Variants in RUNX3 observed in about 807,000 individuals in gnomAD.
The protein encoded by RUNX3 is runt-related transcription factor 3.
Under a neutral mutation model 27.7 loss-of-function variants are expected in RUNX3, and 10 were observed. That is an observed-to-expected ratio of 0.36 (90% CI 0.22 to 0.61). RUNX3 has a LOEUF of 0.61. Ranked by LOEUF, RUNX3 falls within the 20% of genes least tolerant of loss-of-function variation. The pLI is 0.72. For synonymous variants in RUNX3, 270 were observed against 269.2 expected (o/e 1.00, Z -0.03); for missense variants, 469 against 629.5 (o/e 0.75, Z 2.73).
chr1:24,925,831 CG>C (rs1045343659), intron 2 of RUNX3, among the ~76,000 whole-genome samples: 1 of 152,144 alleles, frequency 6.6e-6, no homozygotes, highest in Non-Finnish European at 1.5e-5. Flanking sequence ...GTCCCAGCCT[CG>C]GCCATTCCTG....
chr1:24,956,071 G>C (rs867447734), intron 2 of RUNX3, among the ~76,000 whole-genome samples: 2 of 152,232 alleles, frequency 1.3e-5, no homozygotes, highest in African/African-American at 4.8e-5. Flanking sequence ...TGCGCAGCCC[G>C]GGGCAGACCC....
rs1641119896 is a variant in RUNX3 at position 24,927,442 on chromosome 1, A to C, written c.439+132T>G. The stretch of plus-strand genomic sequence containing the variant: ...GATCTGTAATATCCTACAGGATTAC[A>C]AATTGCTGTTTTTAGACAGAGCTGC... On this transcript the variant is annotated intron_variant, in intron 2 of 4. Transcript: ENST00000308873. This position sits in a 1 kb window ranked among gnomAD's most constrained non-coding sequence, Gnocchi z 5.0. 3 of 813,780 alleles carry C rather than the reference A, an allele frequency of 3.7e-6. No individual in the cohort carries two copies. The highest frequency in any genetic ancestry group is 2.1e-5 in the Admixed American group (1 of 46,534). The allele number at this position is 813,780 out of a possible 1,614,324, so 50.4% of individuals were successfully genotyped here.
chr1:24,926,276 C>A (rs1459093973), intron 2 of RUNX3, among the ~76,000 whole-genome samples: 1 of 152,170 alleles, frequency 6.6e-6, no homozygotes, highest in Non-Finnish European at 1.5e-5. Flanking sequence ...TTGGGGATGA[C>A]AAAAGGGACT....
Position 24,943,762 on chromosome 1 carries a change from C to G in RUNX3, c.59-13910G>C, listed in dbSNP as rs1219843768. 3.3e-5 allele frequency among the ~76,000 whole-genome samples: 5 copies of G among 152,208 alleles called. No homozygotes were observed. The highest frequency in any genetic ancestry group is 5.9e-5 in the Non-Finnish European group (4 of 68,028). On this transcript the variant is annotated intron_variant, in intron 2 of 6. Transcript: ENST00000338888. The surrounding 1 kb of genome is among the most constrained non-coding windows in gnomAD (Gnocchi z 4.6). ...CCGCTGGTCCCTGAATGTCAGGCCCCCTGAGGGCAGGGTCCTCAGCCAGGA... is the reference window on the plus strand; with the variant it reads ...CCGCTGGTCCCTGAATGTCAGGCCCGCTGAGGGCAGGGTCCTCAGCCAGGA...
chr1:24,927,236 A>G lies in RUNX3; in HGVS notation c.439+338T>C, dbSNP rs993185478. Among the ~76,000 whole-genome samples the G allele has an allele frequency of 2.0e-5, 3 of 152,074 alleles. No individual in the cohort carries two copies. Among genetic ancestry groups the G allele is most frequent in the African/African-American group, 7.2e-5 (3 of 41,404 alleles). ...CAACCGCCTTGCTGAAAGACCTATA[A>G]GCTCCCTTTTTGAGCTTGTTAATCC... On this transcript the variant is annotated intron_variant, in intron 2 of 4. Transcript: ENST00000308873. The surrounding 1 kb of genome is among the most constrained non-coding windows in gnomAD (Gnocchi z 5.0).
intron 2 of RUNX3, among the ~76,000 whole-genome samples, chr1:24,956,358 A>C (rs1020945398): frequency 2.0e-5 from 3 of 152,260 alleles, no homozygotes; most frequent in Non-Finnish European, 4.4e-5. Flanking sequence ...AAAGAATATA[A>C]AATAAAGGTT....
At chr1:24,963,632 A>G (rs1642177312) in intron 2 of RUNX3, among the ~76,000 whole-genome samples, 1 of 152,156 alleles carries the variant, frequency 6.6e-6, no homozygotes, top group Non-Finnish European at 1.5e-5. Context: ...ACTTGAGCTC[A>G]GGGACTCTTG....
chr1:24,904,790 G>A lies in RUNX3; in HGVS notation c.704-2124C>T, dbSNP rs1417293593. ...CCTCAGGGCCACCACCCCTCCTCCG[G>A]GGTGGTGGGGGAAGTACCTGCCCTC... On this transcript the variant is annotated intron_variant, in intron 4 of 4. Coordinates refer to ENST00000308873, the MANE Select transcript of RUNX3 (RefSeq NM_004350.3). The surrounding 1 kb of genome is among the most constrained non-coding windows in gnomAD (Gnocchi z 5.7). Among the ~76,000 whole-genome samples, 1 of 152,070 alleles carries A rather than the reference G, an allele frequency of 6.6e-6. No individual in the cohort carries two copies. The highest frequency in any genetic ancestry group is 2.4e-5 in the African/African-American group (1 of 41,416).
intron 2 of RUNX3, among the ~76,000 whole-genome samples, chr1:24,920,948 C>T (rs1031712092): frequency 2.0e-5 from 3 of 152,176 alleles, no homozygotes; most frequent in East Asian, 1.9e-4. Flanking sequence ...TGGCCGGGAG[C>T]GGGGGAGATT....
At chr1:24,918,582 TTCATTCAGTCAG>T (rs1333044563) in intron 3 of RUNX3, among the ~76,000 whole-genome samples, 4 of 151,786 alleles carry the variant, frequency 2.6e-5, no homozygotes, top group African/African-American at 9.7e-5. Flanking sequence ...CATTCATTCA[TTCATTCAGTCAG>T]TCAGTCAGTC....
Position 24,930,069 on chromosome 1 carries a change from G to A in RUNX3, c.-201C>T. ...CGCTGCGAGGCCTCGCTGGCCCGACGGCCGCCCGCAGCCTGCCCGGCTAGT... is the reference window on the plus strand; with the variant it reads ...CGCTGCGAGGCCTCGCTGGCCCGACAGCCGCCCGCAGCCTGCCCGGCTAGT... On this transcript the variant is annotated 5_prime_UTR_variant, in exon 1 of 5. Transcript: ENST00000308873. This position sits in a 1 kb window ranked among gnomAD's most constrained non-coding sequence, Gnocchi z 4.1. 1.0e-6 allele frequency: 1 copy of A among 980,208 alleles called. No homozygotes were observed. The highest frequency in any genetic ancestry group is 1.2e-6 in the Non-Finnish European group (1 of 827,888). 60.7% of individuals were successfully genotyped at this position (980,208 alleles called of 1,614,324 possible).
chr1:24,910,610 C>G (rs576891728), intron 3 of RUNX3, among the ~76,000 whole-genome samples: 2 of 152,180 alleles, frequency 1.3e-5, no homozygotes, highest in Non-Finnish European at 2.9e-5. Flanking sequence ...AAGCTCCCTA[C>G]GCATCCCTGT....
chr1:24,957,386 T>A (rs1299939274), intron 2 of RUNX3, among the ~76,000 whole-genome samples: 3 of 139,202 alleles, frequency 2.2e-5, no homozygotes, highest in East Asian at 2.3e-4. Flanking sequence ...CCATCCATTC[T>A]TTCTTTCTTT....
intron 3 of RUNX3, among the ~76,000 whole-genome samples, chr1:24,910,967 C>T (rs1200219608): frequency 6.6e-6 from 1 of 152,160 alleles, no homozygotes; most frequent in African/African-American, 2.4e-5. Context: ...GGAGGAGATG[C>T]CTTGTGGAAA....
In RUNX3 at chr1:24,927,002, G is replaced by T. The variant is rs1641111934; in HGVS notation, c.439+572C>A. On this transcript the variant is annotated intron_variant, in intron 2 of 4. Transcript: ENST00000308873. The surrounding 1 kb of genome is among the most constrained non-coding windows in gnomAD (Gnocchi z 5.0). ...AGGGTGGCACACCCGCCTTGACTCT[G>T]GGGCAGGAGATGGCAGCCTTCGAGC... Among the ~76,000 whole-genome samples the T allele has an allele frequency of 6.6e-6, 1 of 151,286 alleles. No homozygotes were observed. The highest frequency in any genetic ancestry group is 1.5e-5 in the Non-Finnish European group (1 of 67,934).
At chr1:24,956,453 G>A (rs1641927619) in intron 2 of RUNX3, among the ~76,000 whole-genome samples, 1 of 152,212 alleles carries the variant, frequency 6.6e-6, no homozygotes. Context: ...AGGTGGCTTT[G>A]CTCTCAGAGG....
In RUNX3 at chr1:24,908,064, A is replaced by ACGGTGATCCGAACCTCTACGACACG. The variant is rs1557837174; in HGVS notation, c.545-672_545-648dup. Among the ~76,000 whole-genome samples, 38 of 70,426 alleles carry ACGGTGATCCGAACCTCTACGACACG rather than the reference A, an allele frequency of 5.4e-4. 1 individual carries two copies. Among genetic ancestry groups the ACGGTGATCCGAACCTCTACGACACG allele is most frequent in the Middle Eastern group, 0.015 (1 of 66 alleles). The allele number at this position is 70,426 out of a possible 152,430, so 46.2% of individuals were successfully genotyped here. ...GCGGTGATCCGAACCTCTACGACAC[A>ACGGTGATCCGAACCTCTACGACACG]CGGTGATCCGAACCTCTACGACACG... On this transcript the variant is annotated intron_variant, in intron 3 of 4. Coordinates refer to ENST00000308873, the MANE Select transcript of RUNX3 (RefSeq NM_004350.3).
chr1:24,926,679 C>T (rs2124299795), intron 2 of RUNX3, among the ~76,000 whole-genome samples: 1 of 152,332 alleles, frequency 6.6e-6, no homozygotes, highest in Non-Finnish European at 1.5e-5. Flanking sequence ...TCTGCTTCAG[C>T]CACTTCAGCC....
intron 2 of RUNX3, among the ~76,000 whole-genome samples, chr1:24,937,260 G>A (rs1470292706): frequency 6.6e-6 from 1 of 152,210 alleles, no homozygotes; most frequent in Non-Finnish European, 1.5e-5. Flanking sequence ...TCTCAGAAGG[G>A]TCCTGAGCTT....
Sources: allele counts gnomAD v4.1 joint callset (sites outside exome capture counted in the v4.1 genomes callset), GRCh38; gene constraint gnomAD v4.1.1; non-coding constraint Gnocchi (gnomAD v3.1); transcripts MANE v1.5; gene names NCBI Gene and HGNC (gene_info 2026-07-23, HGNC 2026-07-21).